Variants in LYPLAL1 observed in about 807,000 individuals in gnomAD.
LYPLAL1 encodes the protein lysophospholipase like 1, also known as lysophospholipase-like protein 1.
Under a neutral mutation model 19.7 loss-of-function variants are expected in LYPLAL1, and 23 were observed. The observed-to-expected ratio is 1.17, with a 90% CI of 0.84 to 1.65. The LOEUF (loss-of-function observed/expected upper bound fraction) is 1.65. LYPLAL1 is among the 40% of genes most tolerant of loss of function. The pLI is 0.00. For missense variants in LYPLAL1, 355 were observed against 279.4 expected, an observed-to-expected ratio of 1.27 and a Z score of -1.93; for synonymous variants, 119 against 96.3, an observed-to-expected ratio of 1.24 and a Z score of -1.38.
the LYPLAL1 span, among the ~76,000 whole-genome samples, chr1:219,327,004 C>T: frequency 6.6e-6 from 1 of 152,144 alleles, no homozygotes; most frequent in Non-Finnish European, 1.5e-5. Flanking sequence ...GAGGCTGAGG[C>T]GGGGGAATCG....
chr1:219,407,672 C>T, the LYPLAL1 span, among the ~76,000 whole-genome samples: 1 of 152,162 alleles, frequency 6.6e-6, no homozygotes, highest in Non-Finnish European at 1.5e-5. Flanking sequence ...TTGGAGCTGA[C>T]TTCATTTATT....
At chr1:219,316,222 C>T in the LYPLAL1 span, among the ~76,000 whole-genome samples, 2 of 152,138 alleles carry the variant, frequency 1.3e-5, no homozygotes, top group East Asian at 3.8e-4. Context: ...ACATCCTCTT[C>T]ATTCTGTTAA....
chr1:219,188,458 G>A (rs1444926357), intron 2 of LYPLAL1, among the ~76,000 whole-genome samples: 1 of 151,670 alleles, frequency 6.6e-6, no homozygotes, highest in Non-Finnish European at 1.5e-5. Flanking sequence ...GATATCAGAT[G>A]CAAAGCCACT....
At chr1:219,292,479 T>A in the LYPLAL1 span, among the ~76,000 whole-genome samples, 6 of 152,284 alleles carry the variant, frequency 3.9e-5, no homozygotes, top group African/African-American at 1.4e-4. Context: ...CAGAGCAACC[T>A]TTTTGGCACT....
At chr1:219,213,821 C>A (rs1003263117), downstream of LYPLAL1, among the ~76,000 whole-genome samples, 1 of 152,024 alleles carries the variant, frequency 6.6e-6, no homozygotes, top group Non-Finnish European at 1.5e-5. Context: ...CTGCAAAGAT[C>A]ATTATGTCAT....
At chr1:219,411,698 T>C in the LYPLAL1 span, 4 of 153,668 alleles carry the variant, frequency 2.6e-5, no homozygotes, top group Admixed American at 6.5e-5. Flanking sequence ...CACGCTGCTT[T>C]TACGAGCTGT....
At chr1:219,260,339 C>T in the LYPLAL1 span, among the ~76,000 whole-genome samples, 69 of 151,314 alleles carry the variant, frequency 4.6e-4, no homozygotes, top group Non-Finnish European at 7.8e-4. Context: ...AAGGCAAATA[C>T]GAAGAGAAAC....
the LYPLAL1 span, among the ~76,000 whole-genome samples, chr1:219,260,460 A>G: frequency 1.3e-5 from 2 of 151,750 alleles, no homozygotes; most frequent in Non-Finnish European, 2.9e-5. Context: ...AACACATCAA[A>G]CAAATGGCAG....
chr1:219,215,040 A>G, downstream of LYPLAL1, among the ~76,000 whole-genome samples: 1 of 152,070 alleles, frequency 6.6e-6, no homozygotes, highest in East Asian at 1.9e-4. Flanking sequence ...AATCTTACCT[A>G]TCTACCCATG....
the LYPLAL1 span, among the ~76,000 whole-genome samples, chr1:219,256,160 C>A: frequency 1.3e-5 from 2 of 151,800 alleles, no homozygotes; most frequent in Non-Finnish European, 2.9e-5. Context: ...GCGGAATTCA[C>A]AAGTGAAATC....
chr1:219,232,111 C>G, the LYPLAL1 span, among the ~76,000 whole-genome samples: 1 of 152,204 alleles, frequency 6.6e-6, no homozygotes, highest in Admixed American at 6.5e-5. Flanking sequence ...ATTTTATTAT[C>G]TTAGCTTTCA....
At chr1:219,282,167 T>C in the LYPLAL1 span, among the ~76,000 whole-genome samples, 1 of 152,092 alleles carries the variant, frequency 6.6e-6, no homozygotes, top group Non-Finnish European at 1.5e-5. Context: ...GTAATATAGA[T>C]AACAGTTACC....
intron 3 of LYPLAL1, 22 bp from the exon 4 acceptor site, chr1:219,210,510 T>TTTCTTG: frequency 7.0e-7 from 1 of 1,437,254 alleles, no homozygotes; most frequent in Non-Finnish European, 9.6e-7. Context: ...TATTCTACTT[T>TTTCTTG]TAAGTATGTT....
At chr1:219,375,966 C>A in the LYPLAL1 span, among the ~76,000 whole-genome samples, 1 of 152,086 alleles carries the variant, frequency 6.6e-6, no homozygotes, top group Non-Finnish European at 1.5e-5. Context: ...TGGTCTTGAT[C>A]TCCTGACCTC....
chr1:219,300,423 A>G, the LYPLAL1 span, among the ~76,000 whole-genome samples: 2 of 151,928 alleles, frequency 1.3e-5, no homozygotes, highest in South Asian at 2.1e-4. Context: ...TTTCCTGTCA[A>G]TTTTTAAAAA....
At chr1:219,306,599 C>G in the LYPLAL1 span, among the ~76,000 whole-genome samples, 1 of 151,878 alleles carries the variant, frequency 6.6e-6, no homozygotes, top group Non-Finnish European at 1.5e-5. Flanking sequence ...GGGTCTCCAG[C>G]CTATTAGACT....
the LYPLAL1 span, among the ~76,000 whole-genome samples, chr1:219,361,458 G>A: frequency 6.6e-6 from 1 of 152,252 alleles, no homozygotes; most frequent in East Asian, 1.9e-4. Context: ...GTGTGCATCT[G>A]TGTTTCAGTT....
the LYPLAL1 span, among the ~76,000 whole-genome samples, chr1:219,340,893 G>C: frequency 6.6e-6 from 1 of 152,056 alleles, no homozygotes; most frequent in African/African-American, 2.4e-5. Flanking sequence ...TTTGTAACAA[G>C]AGAGGGCAAT....
the LYPLAL1 span, among the ~76,000 whole-genome samples, chr1:219,436,552 T>C: frequency 6.6e-6 from 1 of 152,088 alleles, no homozygotes; most frequent in Non-Finnish European, 1.5e-5. Flanking sequence ...GGAAGGAGTG[T>C]GTGCTCTAAT....
Sources: allele counts gnomAD v4.1 joint callset (sites outside exome capture counted in the v4.1 genomes callset), GRCh38; gene constraint gnomAD v4.1.1; transcripts MANE v1.5; gene names NCBI Gene and HGNC (gene_info 2026-07-23, HGNC 2026-07-21).